Variants in SPAG17 observed in about 807,000 individuals in gnomAD.
SPAG17 encodes the protein sperm-associated antigen 17.
In SPAG17, 169 loss-of-function variants were observed where a neutral mutation model predicts 273.6. That is an observed-to-expected ratio of 0.62 (90% confidence interval 0.55 to 0.70). The LOEUF is 0.70. Among genes scored for constraint, SPAG17 ranks in the 30% least tolerant of loss-of-function variants. The pLI is 0.00. For synonymous variants in SPAG17, 825 were observed against 873.2 expected, an observed-to-expected ratio of 0.94 and a Z score of 0.97; for missense variants, 2,557 against 2,627.8, an observed-to-expected ratio of 0.97 and a Z score of 0.59.
At chr1:117,963,558 GT>G (rs1653397839) in intron 48 of SPAG17, 1 of 258,616 alleles carries the variant, frequency 3.9e-6, no homozygotes, top group Non-Finnish European at 7.7e-6. Flanking sequence ...TAGAGACGGG[GT>G]TTCACCAAGT....
At chr1:117,980,852 A>AT (rs1456049983) in intron 43 of SPAG17, among the ~76,000 whole-genome samples, 1 of 152,156 alleles carries the variant, frequency 6.6e-6, no homozygotes, top group African/African-American at 2.4e-5. Context: ...TACATCTTAC[A>AT]TTTTTCTTCT....
intron 48 of SPAG17, chr1:117,962,741 C>A (rs1445118525): frequency 6.6e-6 from 1 of 152,318 alleles, no homozygotes; most frequent in African/African-American, 2.4e-5. Context: ...ATATCTCATT[C>A]TAAAGATATC....
chr1:118,053,576 A>T (rs1031529135), intron 20 of SPAG17, among the ~76,000 whole-genome samples: 1 of 152,052 alleles, frequency 6.6e-6, no homozygotes, highest in Non-Finnish European at 1.5e-5. Flanking sequence ...ACAAAGAAAA[A>T]GTAATACATT....
At chr1:117,978,934 C>T (rs1655440717) in intron 43 of SPAG17, among the ~76,000 whole-genome samples, 1 of 150,198 alleles carries the variant, frequency 6.7e-6, no homozygotes, top group East Asian at 2.0e-4. Context: ...ATGGCGTGAT[C>T]TCAGCTCATT....
At chr1:118,012,495 G>T in intron 29 of SPAG17, 123 bp from the exon 30 acceptor site, 1 of 1,070,836 alleles carries the variant, frequency 9.3e-7, no homozygotes, top group Non-Finnish European at 1.3e-6. Flanking sequence ...TATAGGCAAA[G>T]TTTTATCTCA....
In SPAG17 at chr1:118,022,001, A is replaced by G. The variant is rs1660544797; in HGVS notation, c.4069+1303T>C. Among the ~76,000 whole-genome samples the G allele has an allele frequency of 2.0e-5, 3 of 152,150 alleles. No homozygotes were observed. The South Asian group carries it at 6.2e-4, about 32-fold the overall frequency. ...AAAGTAATCTAGTTGCTTCCACACA[A>G]TATTTCTGGGTACTGTGGTGAGATG... On this transcript the variant is annotated intron_variant, in intron 28 of 48. Coordinates refer to ENST00000336338, the MANE Select transcript of SPAG17 (RefSeq NM_206996.4).
chr1:118,140,273 T>C (rs976244832), intron 3 of SPAG17, among the ~76,000 whole-genome samples: 1 of 152,228 alleles, frequency 6.6e-6, no homozygotes. Context: ...CATTTTTTCT[T>C]TTTTTAAATT....
Position 118,005,538 on chromosome 1 carries a change from T to C in SPAG17, c.4652A>G (p.Glu1551Gly). Residue 1551 changes from glutamate (E) to glycine (G), a missense_variant, in exon 32 of 49, where the codon GAG becomes GGG. Glu to Gly is a moderately conservative substitution (Grantham distance 98). Transcript: ENST00000336338. ...AGGATAGTATATATTACTGCTTGAC[T>C]CATGGCAGTACACAGCTGAACAATC... ...DKDCSAVYCH[E>G]SSSNIYYPFQ... is the part of the protein sequence containing the mutation. The C allele has an allele frequency of 6.2e-7, 1 of 1,610,002 alleles. No individual in the cohort carries two copies. Among genetic ancestry groups the C allele is most frequent in the South Asian group, 1.1e-5 (1 of 89,788 alleles).
Position 118,101,844 on chromosome 1 carries a change from G to A in SPAG17, c.530C>T (p.Pro177Leu), listed in dbSNP as rs1656089976. The A allele has an allele frequency of 6.2e-7, 1 of 1,613,942 alleles. No individual in the cohort carries two copies. Among genetic ancestry groups the A allele is most frequent in the Non-Finnish European group, 8.5e-7 (1 of 1,179,916 alleles). ...CTGATCCTTTCCCTTTCCTTTGGCA[G>A]GCTTGGCACTTGGAGCCTTTTTCTC... is the stretch of plus-strand genomic sequence containing the variant. The part of the protein sequence containing the change: ...PKEKKAPSAK[P>L]AKGKGKDQPE... The change falls in exon 5 of 49, where the codon CCT (proline) becomes CTT (leucine). Residue 177 changes from proline to leucine, a missense_variant. Transcript: ENST00000336338.
chr1:117,961,172 A>C (rs1653039911), intron 48 of SPAG17: 1 of 152,224 alleles, frequency 6.6e-6, no homozygotes, highest in South Asian at 2.1e-4. Context: ...AATCCCAGCT[A>C]CTCAGGAGGC....
chr1:118,044,277 G>A lies in SPAG17; in HGVS notation c.2815-2235C>T, dbSNP rs578181598. 2.6e-5 allele frequency among the ~76,000 whole-genome samples: 4 copies of A among 152,218 alleles called. No individual in the cohort carries two copies. In the East Asian group the frequency reaches 7.7e-4, roughly 29 times the overall value. ...CAAGGCGGGTGGATCACAAGGTCAG[G>A]AGTTCGAGACCAGCCTGGCCAACAT... On this transcript the variant is annotated intron_variant, in intron 20 of 48. Coordinates refer to ENST00000336338, the MANE Select transcript of SPAG17 (RefSeq NM_206996.4).
intron 45 of SPAG17, 114 bp from the exon 46 acceptor site, chr1:117,970,230 G>A (rs1158805939): frequency 1.0e-6 from 1 of 965,106 alleles, no homozygotes; most frequent in Non-Finnish European, 1.5e-6. Flanking sequence ...ACAGGAGCCG[G>A]GGGTCCATAC....
intron 18 of SPAG17, among the ~76,000 whole-genome samples, chr1:118,061,871 A>G (rs1652332446): frequency 1.3e-5 from 2 of 152,218 alleles, no homozygotes; most frequent in Admixed American, 1.3e-4. Flanking sequence ...GTGAGAATAA[A>G]CAAAATGGAA....
intron 1 of SPAG17, among the ~76,000 whole-genome samples, chr1:118,153,103 A>G (rs1659478569): frequency 6.6e-6 from 1 of 152,204 alleles, no homozygotes; most frequent in Admixed American, 6.5e-5. Context: ...GGGGCAACTG[A>G]GAAAGAGGGT....
intron 4 of SPAG17, among the ~76,000 whole-genome samples, chr1:118,102,277 A>G (rs1455480922): frequency 6.6e-6 from 1 of 152,224 alleles, no homozygotes; most frequent in African/African-American, 2.4e-5. Context: ...TCAGGAATTT[A>G]GGTTTATCTT....
chr1:118,049,934 A>G (rs1650809627), intron 20 of SPAG17, among the ~76,000 whole-genome samples: 1 of 152,164 alleles, frequency 6.6e-6, no homozygotes, highest in Non-Finnish European at 1.5e-5. Context: ...GATGGAAAAC[A>G]CCTGAAACTG....
chr1:118,004,382 T>A (rs552831603), intron 32 of SPAG17, among the ~76,000 whole-genome samples: 1 of 152,198 alleles, frequency 6.6e-6, no homozygotes, highest in East Asian at 1.9e-4. Flanking sequence ...TCTGCAGAAG[T>A]TGTCTGCTGC....
At chr1:118,001,703 TTC>T (rs1298843993) in intron 32 of SPAG17, among the ~76,000 whole-genome samples, 1 of 152,226 alleles carries the variant, frequency 6.6e-6, no homozygotes, top group Admixed American at 6.5e-5. Flanking sequence ...TATTTGATTC[TTC>T]TCTCTTTTCT....
At chr1:117,955,871 T>A (rs1010253920) in intron 48 of SPAG17, among the ~76,000 whole-genome samples, 4 of 152,162 alleles carry the variant, frequency 2.6e-5, no homozygotes, top group African/African-American at 9.6e-5. Context: ...ACTGAATATG[T>A]TTACACATAT....
Sources: allele counts gnomAD v4.1 joint callset (sites outside exome capture counted in the v4.1 genomes callset), GRCh38; gene constraint gnomAD v4.1.1; transcripts MANE v1.5; gene names NCBI Gene and HGNC (gene_info 2026-07-23, HGNC 2026-07-21).